USP54: variants seen among roughly 807,000 people sequenced by gnomAD.
USP54 encodes ubiquitin specific peptidase 54.
A neutral mutation model predicts 170.5 loss-of-function variants in USP54; 87 were observed. That is an observed-to-expected ratio of 0.51 (90% confidence interval 0.43 to 0.61). The LOEUF (loss-of-function observed/expected upper bound fraction) is 0.61. USP54 is among the 20% of genes least tolerant of loss of function. USP54 has a pLI of 0.00. For synonymous variants in USP54, 655 were observed against 742.8 expected (o/e 0.88, Z 1.92); for missense variants, 1,786 against 2,047.8 (o/e 0.87, Z 2.47).
chr10:73,567,370 AG>A (rs1324923329), intron 4 of USP54, among the ~76,000 whole-genome samples: 1 of 152,070 alleles, frequency 6.6e-6, no homozygotes, highest in African/African-American at 2.4e-5. Flanking sequence ...GTTTGTTGCC[AG>A]CTATAGAAAC....
intron 4 of USP54, among the ~76,000 whole-genome samples, chr10:73,569,936 A>AAAAAAAAAAAAAAAAAAAAAC (rs58317918): frequency 7.4e-6 from 1 of 135,670 alleles, no homozygotes; most frequent in African/African-American, 3.0e-5. Flanking sequence ...AAAAAAAAAA[A>AAAAAAAAAAAAAAAAAAAAAC]AAAACACCCT....
chr10:73,594,140 G>A (rs569458047), upstream of USP54, among the ~76,000 whole-genome samples: 6 of 151,840 alleles, frequency 4.0e-5, no homozygotes, highest in African/African-American at 1.2e-4. Flanking sequence ...ACACGATCTC[G>A]GTTCACTGCA....
In USP54 at chr10:73,509,913, A is replaced by G. The variant is rs1045016023; in HGVS notation, c.4052-4487T>C. ...TGGTCCCAGCTACTCAGGAAGCTGCAGTGGGAGGACCTCAGCAGTGGCCCT... is the reference window on the plus strand; with the variant it reads ...TGGTCCCAGCTACTCAGGAAGCTGCGGTGGGAGGACCTCAGCAGTGGCCCT... On this transcript the variant is annotated intron_variant, in intron 20 of 23. Coordinates refer to ENST00000687698, the MANE Select transcript of USP54 (RefSeq NM_001391956.1). Among the ~76,000 whole-genome samples, 16 of 152,132 alleles carry G rather than the reference A, an allele frequency of 1.1e-4. No homozygotes were observed. The South Asian group carries it at 1.7e-3, about 16-fold the overall frequency.
At chr10:73,527,089 A>G (rs1590039072) in intron 15 of USP54, among the ~76,000 whole-genome samples, 1 of 152,328 alleles carries the variant, frequency 6.6e-6, no homozygotes, top group South Asian at 2.1e-4. Flanking sequence ...GCATCTTCTC[A>G]TAAGTAAAAC....
chr10:73,505,214 C>T, intron 21 of USP54, 94 bp downstream of exon 21: 1 of 1,333,972 alleles, frequency 7.5e-7, no homozygotes, highest in South Asian at 1.3e-5. Flanking sequence ...TATCACCATG[C>T]CTCTGCCTTA....
At chr10:73,520,828 C>A in intron 18 of USP54, 80 bp downstream of exon 18, 2 of 1,590,448 alleles carry the variant, frequency 1.3e-6, no homozygotes, top group South Asian at 1.1e-5. Context: ...TGTTTTTATC[C>A]TGTCTGAGTG....
chr10:73,571,485 C>G lies in USP54; in HGVS notation c.176G>C (p.Arg59Pro). The G allele has an allele frequency of 6.2e-7, 1 of 1,613,740 alleles. No individual in the cohort carries two copies. Reference protein sequence around the residue: ...QVLWHLDIFRRSFRQLTTHKC... With the variant: ...QVLWHLDIFRPSFRQLTTHKC... ...GTGAGTTGTAAGCTGCCTAAAGCTA[C>G]GTCGGAAGATATCCAAGTGCCACAA... The change falls in exon 4 of 24, where the codon CGT becomes CCT. Residue 59 changes from arginine to proline, a missense_variant. Arg to Pro is a moderately radical substitution (Grantham distance 103, BLOSUM62 -2). Coordinates refer to ENST00000687698, the MANE Select transcript of USP54 (RefSeq NM_001391956.1).
intron 1 of USP54, among the ~76,000 whole-genome samples, chr10:73,610,374 C>T (rs1449162657): frequency 6.6e-6 from 1 of 152,104 alleles, no homozygotes; most frequent in Non-Finnish European, 1.5e-5. Context: ...GTAATCCCAG[C>T]ATTTTGGGAG....
chr10:73,505,296 T>C lies in USP54; in HGVS notation c.4170+12A>G, dbSNP rs1197108792. The stretch of plus-strand genomic sequence containing the variant: ...ACCCCAGGCCCAGCACCTTAGCACC[T>C]GAGGCTGCTACCTGAGAAGTACGCA... On this transcript the variant is annotated intron_variant, in intron 21 of 23. Coordinates refer to ENST00000687698, the MANE Select transcript of USP54 (RefSeq NM_001391956.1). 1 of 1,608,178 alleles carries C rather than the reference T, an allele frequency of 6.2e-7. No individual in the cohort carries two copies. The highest frequency in any genetic ancestry group is 1.7e-5 in the Admixed American group (1 of 59,792).
At chr10:73,579,028 C>T (rs566374959) in intron 1 of USP54, among the ~76,000 whole-genome samples, 1 of 151,018 alleles carries the variant, frequency 6.6e-6, no homozygotes. Flanking sequence ...GTAACCTCCA[C>T]CTCCCCGGTT....
At chr10:73,624,189 TA>T (rs1564974833) in intron 1 of USP54, among the ~76,000 whole-genome samples, 22 of 126,768 alleles carry the variant, frequency 1.7e-4, no homozygotes, top group African/African-American at 6.0e-4. Flanking sequence ...TATATATATA[TA>T]TATATGTATT....
chr10:73,616,012 G>C (rs1180851819), intron 1 of USP54, among the ~76,000 whole-genome samples: 1 of 149,722 alleles, frequency 6.7e-6, no homozygotes, highest in Non-Finnish European at 1.5e-5. Flanking sequence ...TTCAAGACCA[G>C]CCTGGCCAAC....
At chr10:73,586,128 C>A (rs534814860) in intron 1 of USP54, among the ~76,000 whole-genome samples, 2 of 152,332 alleles carry the variant, frequency 1.3e-5, no homozygotes, top group East Asian at 3.9e-4. Flanking sequence ...CTCATTCACT[C>A]ACTGATCAAA....
At position 73,504,878 on chromosome 10, in the gene USP54, T is replaced by G. The variant is rs968695748; in HGVS notation, c.4283A>C (p.Glu1428Ala). 5.6e-6 allele frequency: 9 copies of G among 1,614,088 alleles called. No individual in the cohort carries two copies. The highest frequency in any genetic ancestry group is 6.8e-6 in the Non-Finnish European group (8 of 1,180,022). ...ACTGTGGGAAGAAACCGGAGCTTCC[T>G]CCCTCTCTGAGACAACGGTGCCACT... Reference protein sequence around the residue: ...SLSGTVVSEREEAPVSSHSFD... With the variant: ...SLSGTVVSERAEAPVSSHSFD... Residue 1428 changes from glutamate (E) to alanine (A), a missense_variant, in exon 22 of 24, where the codon GAG (glutamate) becomes GCG (alanine). Transcript: ENST00000687698.
chr10:73,545,431 C>T (rs781547742), intron 5 of USP54, 107 bp downstream of exon 5: 33 of 1,403,040 alleles, frequency 2.4e-5, no homozygotes, highest in Non-Finnish European at 3.1e-5. Flanking sequence ...CTAGTTCTAA[C>T]TGTAGAGATA....
Position 73,529,857 on chromosome 10 carries a change from A to T in USP54, c.1883T>A (p.Phe628Tyr), listed in dbSNP as rs2063653074. Residue 628 changes from phenylalanine to tyrosine, a missense_variant, in exon 15 of 24, where the codon TTT (phenylalanine) becomes TAT (tyrosine). Coordinates refer to ENST00000687698, the MANE Select transcript of USP54 (RefSeq NM_001391956.1). ...CTTGTACTGGGGGCTTGGTCCACCA[A>T]ATTTAATGTCGTAAGAAGGTGGCTT... The part of the protein sequence containing the change: ...PSKPPSYDIK[F>Y]GGPSPQYKRW... The T allele has an allele frequency of 3.2e-6, 5 of 1,570,350 alleles. No individual in the cohort carries two copies. The highest frequency in any genetic ancestry group is 3.4e-6 in the Non-Finnish European group (4 of 1,160,028).
At chr10:73,551,162 C>T (rs1424980904) in intron 4 of USP54, among the ~76,000 whole-genome samples, 1 of 152,288 alleles carries the variant, frequency 6.6e-6, no homozygotes, top group African/African-American at 2.4e-5. Flanking sequence ...CCTCCTCATA[C>T]ACACTGAATA....
At chr10:73,539,379 G>A in intron 10 of USP54, 65 bp downstream of exon 10, 1 of 1,384,498 alleles carries the variant, frequency 7.2e-7, no homozygotes, top group Non-Finnish European at 9.5e-7. Context: ...AAACACTAAA[G>A]ACAAATGATT....
At chr10:73,589,035 C>T (rs1314671421) in intron 1 of USP54, among the ~76,000 whole-genome samples, 3 of 152,232 alleles carry the variant, frequency 2.0e-5, no homozygotes. Flanking sequence ...GGACTTCTCT[C>T]TCCCTCCCAG....
Sources: gnomAD v4.1 joint callset for allele counts (sites outside exome capture counted in the v4.1 genomes callset) on GRCh38, gnomAD v4.1.1 for gene constraint, MANE v1.5 for transcripts, NCBI Gene and HGNC (gene_info 2026-07-23, HGNC 2026-07-21) for gene names.